Variants in FGFR2 observed in about 807,000 individuals in gnomAD.
The protein encoded by FGFR2 is fibroblast growth factor receptor 2, also known as BEK fibroblast growth factor receptor.
FGFR2 carries 19 observed loss-of-function variants against 95.9 expected under a neutral mutation model. The ratio of observed to expected loss-of-function variants is 0.20; its 90% confidence interval spans 0.14 to 0.29. The LOEUF (loss-of-function observed/expected upper bound fraction) is 0.29. Among genes scored for constraint, FGFR2 ranks in the 10% least tolerant of loss-of-function variants. The probability of loss-of-function intolerance (pLI) is 1.00; values close to 1 mark genes in which losing one functional copy is unlikely to be tolerated. For synonymous variants in FGFR2, 392 were observed against 393.3 expected (o/e 1.00, Z 0.04); for missense variants, 707 against 1,056.9 (o/e 0.67, Z 4.59).
intron 3 of FGFR2, 32 bp from the exon 4 acceptor site, chr10:121,564,611 GT>G (rs1564998058): frequency 1.9e-6 from 3 of 1,602,876 alleles, no homozygotes; most frequent in Non-Finnish European, 8.5e-7. Flanking sequence ...CCATGGATGT[GT>G]TTTTTGCAAA....
intron 17 of FGFR2, chr10:121,482,236 T>C: frequency 3.1e-5 from 47 of 1,529,394 alleles, no homozygotes; most frequent in Non-Finnish European, 4.1e-5. Context: ...AAGGAACTTA[T>C]ACTAGAAACA....
At chr10:121,514,659 C>G (rs1317787572) in intron 9 of FGFR2, among the ~76,000 whole-genome samples, 1 of 152,202 alleles carries the variant, frequency 6.6e-6, no homozygotes, top group Non-Finnish European at 1.5e-5. Context: ...GCATAAGATA[C>G]TGATCTTGAC....
At chr10:121,574,282 A>G (rs1277039446) in intron 2 of FGFR2, among the ~76,000 whole-genome samples, 2 of 152,080 alleles carry the variant, frequency 1.3e-5, no homozygotes, top group South Asian at 4.1e-4. Context: ...TAATACCAGC[A>G]CTTTGGGAGG....
intron 5 of FGFR2, among the ~76,000 whole-genome samples, chr10:121,551,048 G>C (rs777344241): frequency 6.6e-6 from 1 of 151,966 alleles, no homozygotes; most frequent in Non-Finnish European, 1.5e-5. Flanking sequence ...GTGAAACCCC[G>C]TCTCTGCTAC....
At chr10:121,551,153 G>A in intron 5 of FGFR2, 137 bp downstream of exon 5, 3 of 937,472 alleles carry the variant, frequency 3.2e-6, no homozygotes, top group Admixed American at 2.0e-5. Context: ...CTGGGAGATG[G>A]AGGTTGCAGT....
At chr10:121,560,918 G>A (rs1856864818) in intron 4 of FGFR2, among the ~76,000 whole-genome samples, 1 of 152,134 alleles carries the variant, frequency 6.6e-6, no homozygotes, top group African/African-American at 2.4e-5. Context: ...TGCATTTCGA[G>A]GGAGTTCTCA....
chr10:121,524,637 GA>G (rs1851081802), intron 6 of FGFR2, among the ~76,000 whole-genome samples: 1 of 152,182 alleles, frequency 6.6e-6, no homozygotes, highest in African/African-American at 2.4e-5. Flanking sequence ...CAGAAACAGT[GA>G]ACAGTAAGTG....
At chr10:121,492,122 G>T (rs1221370208) in intron 13 of FGFR2, among the ~76,000 whole-genome samples, 1 of 152,148 alleles carries the variant, frequency 6.6e-6, no homozygotes, top group East Asian at 1.9e-4. Flanking sequence ...GCTGCAGTGA[G>T]CCAAGATCAC....
chr10:121,482,199 T>TATC (rs762964311), intron 17 of FGFR2: 6 of 1,610,988 alleles, frequency 3.7e-6, no homozygotes, highest in Non-Finnish European at 5.1e-6. Flanking sequence ...AAAACAGGGA[T>TATC]ATCAGTAGAT....
intron 13 of FGFR2, among the ~76,000 whole-genome samples, chr10:121,489,127 C>T (rs990113587): frequency 6.6e-6 from 1 of 152,056 alleles, no homozygotes; most frequent in Non-Finnish European, 1.5e-5. Context: ...GGCTGGAGTG[C>T]AATGGTGCGA....
chr10:121,544,091 T>C (rs146634665), intron 5 of FGFR2, among the ~76,000 whole-genome samples: 2,681 of 152,300 alleles, frequency 0.018, 76 homozygotes, highest in African/African-American at 0.06. Context: ...ATTGCTACAA[T>C]GGCTATTCAC....
chr10:121,532,612 T>A (rs1255761905), intron 6 of FGFR2, among the ~76,000 whole-genome samples: 1 of 152,144 alleles, frequency 6.6e-6, no homozygotes, highest in Non-Finnish European at 1.5e-5. Flanking sequence ...CGTGCCTCCG[T>A]CCCCTGGCCC....
In FGFR2 at chr10:121,593,769, T is replaced by A. The variant is rs1417346628; in HGVS notation, c.49A>T (p.Thr17Ser). 6.2e-7 allele frequency: 1 copy of A among 1,614,042 alleles called. No individual in the cohort carries two copies. The highest frequency in any genetic ancestry group is 8.5e-7 in the Non-Finnish European group (1 of 1,180,032). Residue 17 changes from threonine to serine, a missense_variant, in exon 2 of 18, where the codon ACC becomes TCC. Physicochemically the swap from Thr to Ser is moderately conservative, Grantham distance 58. This residue lies in a region of FGFR2 where 178 missense variants were observed against 194.1 expected (regional missense o/e 0.92). Coordinates refer to ENST00000358487, the MANE Select transcript of FGFR2 (RefSeq NM_000141.5). Reference protein sequence around the residue: ...FICLVVVTMATLSLARPSFSL... With the variant: ...FICLVVVTMASLSLARPSFSL... Reference sequence around the variant, plus strand: ...AAGGAGGGCCGGGCCAGGGACAAGGTTGCCATGGTGACCACGACCAGGCAG... The same window carrying A: ...AAGGAGGGCCGGGCCAGGGACAAGGATGCCATGGTGACCACGACCAGGCAG...
intron 4 of FGFR2, among the ~76,000 whole-genome samples, chr10:121,556,343 C>A (rs894284797): frequency 3.3e-5 from 5 of 151,782 alleles, no homozygotes; most frequent in African/African-American, 4.9e-5. Context: ...GCTGGGCCTG[C>A]CCCCACCAAA....
chr10:121,589,463 T>C (rs1243919965), intron 2 of FGFR2, among the ~76,000 whole-genome samples: 2 of 152,218 alleles, frequency 1.3e-5, no homozygotes, highest in Non-Finnish European at 2.9e-5. Context: ...CACCCTCAAC[T>C]GGGTCAGAAA....
intron 6 of FGFR2, among the ~76,000 whole-genome samples, chr10:121,534,122 G>A (rs1450744656): frequency 9.9e-5 from 12 of 121,688 alleles, no homozygotes; most frequent in African/African-American, 2.1e-4. Flanking sequence ...TTTTTGAGAC[G>A]GAGTCTCACT....
At chr10:121,565,740 T>C in intron 2 of FGFR2, 36 bp from the exon 3 acceptor site, 1 of 1,613,582 alleles carries the variant, frequency 6.2e-7, no homozygotes, top group Non-Finnish European at 8.5e-7. Context: ...CGGAGACAGA[T>C]GGGAAGGAGG....
chr10:121,488,242 T>G, intron 13 of FGFR2, 129 bp from the exon 14 acceptor site: 1 of 1,295,582 alleles, frequency 7.7e-7, no homozygotes, highest in Non-Finnish European at 1.1e-6. Context: ...TGCGGTATAC[T>G]ATAAGAAATA....
chr10:121,486,719 CA>C (rs1304040104), intron 15 of FGFR2, among the ~76,000 whole-genome samples: 3 of 152,206 alleles, frequency 2.0e-5, no homozygotes, highest in African/African-American at 7.2e-5. Flanking sequence ...GGATTGATTA[CA>C]GGTATGAGTC....
Sources: allele counts gnomAD v4.1 joint callset (sites outside exome capture counted in the v4.1 genomes callset), GRCh38; gene constraint gnomAD v4.1.1; regional missense constraint gnomAD v4.1.1; transcripts MANE v1.5; gene names NCBI Gene and HGNC (gene_info 2026-07-23, HGNC 2026-07-21).